Variants in PAK5 observed in about 807,000 individuals in gnomAD.
The protein encoded by PAK5 is p21 (RAC1) activated kinase 5.
In PAK5, 16 loss-of-function variants were observed where a neutral mutation model predicts 65.9. The observed-to-expected ratio is 0.24, with a 90% CI of 0.16 to 0.37. PAK5 has a LOEUF of 0.37. PAK5 is among the 10% of genes least tolerant of loss of function. PAK5 has a pLI of 1.00. For missense variants in PAK5, 785 were observed against 903.9 expected, an observed-to-expected ratio of 0.87 and a Z score of 1.69; for synonymous variants, 371 against 354.9, an observed-to-expected ratio of 1.05 and a Z score of -0.51.
chr20:9,699,044 G>A (rs867579484), intron 2 of PAK5, among the ~76,000 whole-genome samples: 2 of 152,078 alleles, frequency 1.3e-5, no homozygotes, highest in African/African-American at 4.8e-5. Context: ...TGGAGATAGA[G>A]GAAACTTTGA....
chr20:9,794,118 G>A (rs574456779), intron 1 of PAK5, among the ~76,000 whole-genome samples: 6 of 148,048 alleles, frequency 4.1e-5, no homozygotes, highest in South Asian at 2.3e-4. Flanking sequence ...ATAAGTGGGA[G>A]TTGAACAATG....
At chr20:9,571,449 C>A (rs1272732760) in intron 4 of PAK5, among the ~76,000 whole-genome samples, 2 of 152,186 alleles carry the variant, frequency 1.3e-5, no homozygotes, top group Admixed American at 6.5e-5. Flanking sequence ...CAATGCAGGG[C>A]AAATAGCTCC....
intron 3 of PAK5, among the ~76,000 whole-genome samples, chr20:9,615,594 T>C (rs1352227328): frequency 6.6e-6 from 1 of 152,222 alleles, no homozygotes; most frequent in African/African-American, 2.4e-5. Context: ...AAGTCCTTCG[T>C]TGAAGAAGTA....
At chr20:9,698,538 G>T (rs1022623508) in intron 2 of PAK5, among the ~76,000 whole-genome samples, 1 of 152,158 alleles carries the variant, frequency 6.6e-6, no homozygotes, top group Non-Finnish European at 1.5e-5. Context: ...AATGTTTGCA[G>T]ACATGCCATT....
chr20:9,803,153 A>AG (rs2049192285), intron 1 of PAK5, among the ~76,000 whole-genome samples: 1 of 151,904 alleles, frequency 6.6e-6, no homozygotes, highest in Admixed American at 6.6e-5. Context: ...AAGAAAAAAA[A>AG]CAAGTGCTTG....
intron 7 of PAK5, among the ~76,000 whole-genome samples, chr20:9,550,760 G>T (rs1316305000): frequency 1.4e-5 from 2 of 141,678 alleles, no homozygotes; most frequent in East Asian, 2.1e-4. Flanking sequence ...GTGTGTGTGT[G>T]TTTATTTCCA....
chr20:9,688,450 A>G (rs1171282179), intron 2 of PAK5, among the ~76,000 whole-genome samples: 1 of 151,966 alleles, frequency 6.6e-6, no homozygotes, highest in Non-Finnish European at 1.5e-5. Context: ...TCAGTTGATA[A>G]CCAACCCTGA....
chr20:9,695,751 A>G (rs1040001717), intron 2 of PAK5, among the ~76,000 whole-genome samples: 2 of 152,102 alleles, frequency 1.3e-5, no homozygotes, highest in African/African-American at 4.8e-5. Context: ...GAAGCTATTT[A>G]CAAAGAAAGC....
chr20:9,600,716 G>A (rs775918565), intron 3 of PAK5, among the ~76,000 whole-genome samples: 1 of 152,184 alleles, frequency 6.6e-6, no homozygotes, highest in East Asian at 1.9e-4. Context: ...GGTTGTCAGG[G>A]GAACTGCTTC....
At chr20:9,571,725 T>C (rs902973919) in intron 4 of PAK5, among the ~76,000 whole-genome samples, 1 of 152,176 alleles carries the variant, frequency 6.6e-6, no homozygotes, top group Admixed American at 6.5e-5. Flanking sequence ...TTCCTCCATT[T>C]TATAGATAAG....
intron 1 of PAK5, among the ~76,000 whole-genome samples, chr20:9,803,336 G>C (rs1411139678): frequency 6.6e-6 from 1 of 152,086 alleles, no homozygotes; most frequent in African/African-American, 2.4e-5. Flanking sequence ...AGCCCAGAAA[G>C]CATGGAAGGA....
chr20:9,697,654 C>T (rs552691517), intron 2 of PAK5, among the ~76,000 whole-genome samples: 69 of 152,196 alleles, frequency 4.5e-4, no homozygotes, highest in Non-Finnish European at 7.4e-4. Context: ...AGACTTGTGG[C>T]TACTTGAAGG....
intron 2 of PAK5, among the ~76,000 whole-genome samples, chr20:9,692,107 A>G (rs181393086): frequency 6.6e-6 from 1 of 152,334 alleles, no homozygotes; most frequent in Admixed American, 6.5e-5. Flanking sequence ...TTCCTTCCAG[A>G]GAATTAATAC....
Position 9,592,860 on chromosome 20 carries a change from G to A in PAK5, c.205-11930C>T, listed in dbSNP as rs1053349111. 3.3e-5 allele frequency among the ~76,000 whole-genome samples: 5 copies of A among 152,304 alleles called. 1 individual carries two copies. Among genetic ancestry groups the A allele is most frequent in the Admixed American group, 2.0e-4 (3 of 15,300 alleles). On this transcript the variant is annotated intron_variant, in intron 3 of 9. Transcript: ENST00000353224. ...AAAGTCTAAGGGAGAGAGAACAGGT[G>A]TTGTGGGATGTGGCTGTGGGTGGGT...
intron 3 of PAK5, among the ~76,000 whole-genome samples, chr20:9,586,125 T>A (rs1394479540): frequency 6.6e-6 from 1 of 152,192 alleles, no homozygotes; most frequent in Non-Finnish European, 1.5e-5. Context: ...ATCAAATTGG[T>A]ATCCCAATTA....
chr20:9,648,410 G>A (rs145967891), intron 2 of PAK5, among the ~76,000 whole-genome samples: 37 of 152,254 alleles, frequency 2.4e-4, no homozygotes, highest in Admixed American at 2.2e-3. Flanking sequence ...TGGTCACATA[G>A]GCACCCCTTG....
chr20:9,580,806 T>TG lies in PAK5; in HGVS notation c.328dup (p.Gln110ProfsTer31), dbSNP rs762939378. 79 of 1,613,964 alleles carry TG rather than the reference T, an allele frequency of 4.9e-5. No homozygotes were observed. The highest frequency in any genetic ancestry group is 3.8e-5 in the Non-Finnish European group (45 of 1,180,010). On this transcript the variant is annotated frameshift_variant, in exon 4 of 10. Transcript: ENST00000353224. LOFTEE classifies it high-confidence loss of function. ...GCCTGGACCGTGGCTGGAGGCTCCC[T>TG]GATCTGGGGTGGGTGGGCTTTCTTT...
chr20:9,685,015 C>T (rs1321673147), intron 2 of PAK5, among the ~76,000 whole-genome samples: 14 of 152,336 alleles, frequency 9.2e-5, no homozygotes, highest in South Asian at 2.1e-4. Flanking sequence ...CTCTCTCCTT[C>T]CAGCCCTTCA....
At chr20:9,672,598 G>A (rs2423405) in intron 2 of PAK5, among the ~76,000 whole-genome samples, 7,834 of 151,978 alleles carry the variant, frequency 0.052, 224 homozygotes, top group South Asian at 0.082. Context: ...ACCTTCTGCC[G>A]TGATTGTGAA....
Sources: gnomAD v4.1 joint callset for allele counts (sites outside exome capture counted in the v4.1 genomes callset) on GRCh38, gnomAD v4.1.1 for gene constraint, MANE v1.5 for transcripts, NCBI Gene and HGNC (gene_info 2026-07-23, HGNC 2026-07-21) for gene names.